The following SLC48A1 variants were observed in gnomAD, a reference collection of about 807,000 sequenced individuals.
SLC48A1 encodes the protein heme transporter HRG1.
A neutral mutation model predicts 14.8 loss-of-function variants in SLC48A1; 6 were observed. The ratio of observed to expected loss-of-function variants is 0.41; its 90% CI spans 0.22 to 0.80. SLC48A1 has a LOEUF of 0.80. SLC48A1 is among the 30% of genes least tolerant of loss of function. The pLI is 0.34. For missense variants in SLC48A1, 165 were observed against 204.8 expected (o/e 0.81, Z 1.19); for synonymous variants, 89 against 90.0 (o/e 0.99, Z 0.06).
chr12:47,780,057 G>A (rs1266678343), intron 2 of SLC48A1, 88 bp from the exon 3 acceptor site: 4 of 1,428,260 alleles, frequency 2.8e-6, no homozygotes, highest in Non-Finnish European at 2.8e-6. Flanking sequence ...GGGATGTTGA[G>A]TGGGGAGGGT....
upstream of SLC48A1, chr12:47,758,101 G>A: frequency 6.5e-7 from 1 of 1,549,834 alleles, no homozygotes; most frequent in Non-Finnish European, 8.7e-7. Flanking sequence ...GAGGAAAGTG[G>A]ACAGCCATGG....
intron 2 of SLC48A1, 35 bp downstream of exon 2, chr12:47,779,230 G>A (rs1942813343): frequency 4.6e-6 from 7 of 1,532,978 alleles, no homozygotes; most frequent in Non-Finnish European, 6.2e-6. Flanking sequence ...GGGCATGGGA[G>A]GGACAGCAGC....
At position 47,773,266 on chromosome 12, in the gene SLC48A1, G is replaced by C. The variant is rs1942666045; in HGVS notation, c.-39G>C. The C allele has an allele frequency of 3.0e-6, 4 of 1,317,480 alleles. No individual in the cohort carries two copies. The highest frequency in any genetic ancestry group is 3.4e-5 in the East Asian group (1 of 29,742). 81.6% of individuals were successfully genotyped at this position (1,317,480 alleles called of 1,614,324 possible). ...TTCGGGCCCTGCACCTGTGACTCTC[G>C]GCCGCGCTCGCCCTCGGCCCGCCCG... On this transcript the variant is annotated 5_prime_UTR_variant, in exon 1 of 3. Coordinates refer to ENST00000442218, the MANE Select transcript of SLC48A1 (RefSeq NM_017842.3).
upstream of SLC48A1, among the ~76,000 whole-genome samples, chr12:47,755,301 G>A (rs1592578181): frequency 6.6e-6 from 1 of 152,184 alleles, no homozygotes; most frequent in African/African-American, 2.4e-5. Flanking sequence ...ATCTCACAGG[G>A]CTGTTGTGAG....
At chr12:47,754,828 A>G (rs1220295269), upstream of SLC48A1, among the ~76,000 whole-genome samples, 2 of 152,040 alleles carry the variant, frequency 1.3e-5, no homozygotes, top group African/African-American at 4.8e-5. Context: ...GGTCCTCCTC[A>G]CCCACTCCCC....
upstream of SLC48A1, chr12:47,757,762 C>T (rs1257513636): frequency 1.8e-6 from 2 of 1,139,770 alleles, no homozygotes; most frequent in Non-Finnish European, 2.5e-6. Context: ...CCACTGTACA[C>T]CCCCAGAGCA....
rs1201214072 is a variant in SLC48A1, at chr12:47,773,381, T to C, written c.77T>C (p.Phe26Ser). ...GISSVAGFSI[F>S]LVWTVVYRQP... ...AGCTCCGTGGCCGGCTTCTCCATCT[T>C]CCTCGTCTGGACGGTGGTCTACCGA... Residue 26 changes from phenylalanine to serine, a missense_variant, in exon 1 of 3, where the codon TTC becomes TCC. Physicochemically the swap from Phe to Ser is radical, Grantham distance 155. Coordinates refer to ENST00000442218, the MANE Select transcript of SLC48A1 (RefSeq NM_017842.3). 2 of 1,477,976 alleles carry C rather than the reference T, an allele frequency of 1.4e-6. No individual in the cohort carries two copies. The highest frequency in any genetic ancestry group is 4.9e-5 in the Admixed American group (2 of 40,944). 91.6% of individuals were successfully genotyped at this position (1,477,976 alleles called of 1,614,324 possible).
At chr12:47,767,055 T>C (rs1355901820), upstream of SLC48A1, among the ~76,000 whole-genome samples, 1 of 152,030 alleles carries the variant, frequency 6.6e-6, no homozygotes, top group Non-Finnish European at 1.5e-5. Flanking sequence ...AAGCCTGACC[T>C]CAGGAGGAAG....
upstream of SLC48A1, among the ~76,000 whole-genome samples, chr12:47,756,933 C>T (rs1304506265): frequency 6.6e-6 from 1 of 151,100 alleles, no homozygotes. Flanking sequence ...TGCTTCACTG[C>T]ACTCCAGCCT....
upstream of SLC48A1, chr12:47,757,741 C>G (rs548586918): frequency 1.1e-6 from 1 of 900,696 alleles, no homozygotes; most frequent in Admixed American, 2.6e-5. Flanking sequence ...CCAGTGTCCA[C>G]GGCAGCTGTA....
chr12:47,772,807 G>T (rs1389994826), upstream of SLC48A1, among the ~76,000 whole-genome samples: 2 of 152,166 alleles, frequency 1.3e-5, no homozygotes, highest in Non-Finnish European at 2.9e-5. Flanking sequence ...GCGATATGGT[G>T]GGAGGGAACC....
intron 1 of SLC48A1, chr12:47,758,872 G>A: frequency 2.6e-6 from 3 of 1,157,518 alleles, no homozygotes; most frequent in Non-Finnish European, 3.2e-6. Context: ...GCTGAAGCAA[G>A]GCTGCGCTGG....
rs1276562010 is a variant in SLC48A1 at position 47,781,575 on chromosome 12, G to A, written c.*1294G>A. The stretch of plus-strand genomic sequence containing the variant: ...TTCTGTTAGACTGCCATTTTGCACG[G>A]TCTCCCCCTTCCCATCTGATGTGTC... On this transcript the variant is annotated 3_prime_UTR_variant, in exon 3 of 3. Coordinates refer to ENST00000442218, the MANE Select transcript of SLC48A1 (RefSeq NM_017842.3). 1 of 152,960 alleles carries A rather than the reference G, an allele frequency of 6.5e-6. No homozygotes were observed. The highest frequency in any genetic ancestry group is 1.5e-5 in the Non-Finnish European group (1 of 68,304). The allele number at this position is 152,960 out of a possible 1,614,324, so 9.5% of individuals were successfully genotyped here.
chr12:47,763,110 C>T (rs1245606478), intron 2 of SLC48A1, among the ~76,000 whole-genome samples: 1 of 152,194 alleles, frequency 6.6e-6, no homozygotes, highest in Non-Finnish European at 1.5e-5. Context: ...TCAGCTGGTG[C>T]CTGCTATGGG....
upstream of SLC48A1, chr12:47,757,816 CT>C (rs1415265582): frequency 6.7e-7 from 1 of 1,499,976 alleles, no homozygotes; most frequent in African/African-American, 1.4e-5. Flanking sequence ...CTAGGCCCCC[CT>C]CTAGCTCTGG....
intron 1 of SLC48A1, among the ~76,000 whole-genome samples, chr12:47,760,030 C>T (rs1354770812): frequency 6.6e-6 from 1 of 152,188 alleles, no homozygotes; most frequent in Admixed American, 6.5e-5. Context: ...CCATCCTCCA[C>T]CAATTATTAT....
intron 2 of SLC48A1, 54 bp from the exon 3 acceptor site, chr12:47,780,091 A>C: frequency 6.8e-7 from 1 of 1,477,746 alleles, no homozygotes. Flanking sequence ...TGGCCGGTGC[A>C]GAGGCCGAGG....
upstream of SLC48A1, among the ~76,000 whole-genome samples, chr12:47,755,209 T>G (rs1211780864): frequency 6.6e-6 from 1 of 152,210 alleles, no homozygotes; most frequent in Non-Finnish European, 1.5e-5. Context: ...ACTTAGCAGC[T>G]GCGTAACTCT....
upstream of SLC48A1, among the ~76,000 whole-genome samples, chr12:47,754,905 C>T (rs193235818): frequency 5.3e-5 from 8 of 152,338 alleles, no homozygotes; most frequent in African/African-American, 1.7e-4. Context: ...GGCACCAGCA[C>T]TGTGGCCTGC....
Sources: allele counts gnomAD v4.1 joint callset (sites outside exome capture counted in the v4.1 genomes callset), GRCh38; gene constraint gnomAD v4.1.1; transcripts MANE v1.5; gene names NCBI Gene and HGNC (gene_info 2026-07-23, HGNC 2026-07-21).